The following CCDC146 variants were observed in gnomAD, a reference collection of about 807,000 sequenced individuals.
CCDC146 encodes coiled-coil domain containing 146.
Under a neutral mutation model 119.3 loss-of-function variants are expected in CCDC146, and 92 were observed. That is an observed-to-expected ratio of 0.77 (90% CI 0.65 to 0.92). The LOEUF is 0.92. Ranked by LOEUF, CCDC146 falls within the 40% of genes least tolerant of loss-of-function variation. The pLI is 0.00. For synonymous variants in CCDC146, 372 were observed against 371.8 expected (o/e 1.00, Z -0.01); for missense variants, 1,000 against 1,103.0 (o/e 0.91, Z 1.32).
At chr7:77,174,602 C>A (rs534279620) in intron 2 of CCDC146, among the ~76,000 whole-genome samples, 1 of 152,124 alleles carries the variant, frequency 6.6e-6, no homozygotes, top group Non-Finnish European at 1.5e-5. Context: ...ACCATGGCAA[C>A]AGTAAACTAA....
intron 2 of CCDC146, among the ~76,000 whole-genome samples, chr7:77,231,045 T>C (rs1792617758): frequency 6.6e-6 from 1 of 152,234 alleles, no homozygotes; most frequent in Admixed American, 6.5e-5. Context: ...AATTGCATGC[T>C]ATTCTGAGTA....
intron 11 of CCDC146, among the ~76,000 whole-genome samples, chr7:77,275,788 C>A (rs190209392): frequency 1.3e-5 from 2 of 152,288 alleles, no homozygotes; most frequent in Admixed American, 6.5e-5. Flanking sequence ...GGTAAGGCAG[C>A]ACTCCTGTCA....
chr7:77,209,387 GAC>G lies in CCDC146; in HGVS notation c.157-27556_157-27555del, dbSNP rs548357725. Among the ~76,000 whole-genome samples, 38 of 152,358 alleles carry G rather than the reference GAC, an allele frequency of 2.5e-4. 2 individuals carry two copies. In the South Asian group the frequency reaches 7.9e-3, roughly 32 times the overall value. On this transcript the variant is annotated intron_variant, in intron 2 of 18. Coordinates refer to ENST00000285871, the MANE Select transcript of CCDC146 (RefSeq NM_020879.3). ...TCATGTCTCACATCCAAGCTACGCTGACACAGGGGTGGGCTCTCAAGGCCTTG... is the reference window on the plus strand; with the variant it reads ...TCATGTCTCACATCCAAGCTACGCTGACAGGGGTGGGCTCTCAAGGCCTTG...
intron 2 of CCDC146, among the ~76,000 whole-genome samples, chr7:77,186,772 G>T (rs1213564641): frequency 6.6e-6 from 1 of 152,144 alleles, no homozygotes; most frequent in Non-Finnish European, 1.5e-5. Flanking sequence ...GACTCACAGA[G>T]ACTCCAGGGG....
chr7:77,196,343 C>T lies in CCDC146; in HGVS notation c.156+28519C>T, dbSNP rs1791869095. On this transcript the variant is annotated intron_variant, in intron 2 of 18. Coordinates refer to ENST00000285871, the MANE Select transcript of CCDC146 (RefSeq NM_020879.3). The surrounding 1 kb of genome is among the most constrained non-coding windows in gnomAD (Gnocchi z 4.2). ...CTCTTTGAAGGAGGACTTGTAGCCA[C>T]CAGGGTGTGCCTCACTTACACCAGG... The T allele has an allele frequency of 5.0e-6, 8 of 1,614,088 alleles. No homozygotes were observed. The highest frequency in any genetic ancestry group is 6.8e-6 in the Non-Finnish European group (8 of 1,179,990).
chr7:77,161,694 G>A (rs1195846385), intron 1 of CCDC146, among the ~76,000 whole-genome samples: 7 of 150,416 alleles, frequency 4.7e-5, no homozygotes, highest in Non-Finnish European at 8.9e-5. Context: ...GCTAAATGAC[G>A]AGTTAATGGG....
chr7:77,286,867 G>T lies in CCDC146; in HGVS notation c.2218G>T (p.Ala740Ser). The T allele has an allele frequency of 6.2e-7, 1 of 1,614,040 alleles. No homozygotes were observed. The highest frequency in any genetic ancestry group is 8.5e-7 in the Non-Finnish European group (1 of 1,179,912). Residue 740 changes from alanine (A) to serine (S), a missense_variant, in exon 16 of 19, where the codon GCT becomes TCT. Physicochemically the swap from Ala to Ser is moderately conservative, Grantham distance 99. Around this residue, in one of 2 missense-constraint regions of CCDC146, gnomAD observed 985 missense variants for 1,045.3 expected, o/e 0.94. Coordinates refer to ENST00000285871, the MANE Select transcript of CCDC146 (RefSeq NM_020879.3). ...CGTAAAGCCTGATGGTGAGAATAGA[G>T]CTCGCTTCCTTCCAGGGAAAGATCT... Reference protein sequence around the residue: ...QFVKPDGENRARFLPGKDLTE... With the variant: ...QFVKPDGENRSRFLPGKDLTE...
At chr7:77,169,822 G>C (rs1253625887) in intron 2 of CCDC146, among the ~76,000 whole-genome samples, 9 of 152,094 alleles carry the variant, frequency 5.9e-5, no homozygotes, top group African/African-American at 2.2e-4. Context: ...TTTCTTGGAG[G>C]ATCCCTAGTT....
At chr7:77,155,665 G>T (rs1037909904) in intron 1 of CCDC146, among the ~76,000 whole-genome samples, 15 of 152,130 alleles carry the variant, frequency 9.9e-5, no homozygotes. Context: ...TATGGTATGT[G>T]GTTGTTAGGA....
At chr7:77,220,710 A>T (rs1792388307) in intron 2 of CCDC146, among the ~76,000 whole-genome samples, 1 of 152,126 alleles carries the variant, frequency 6.6e-6, no homozygotes, top group Admixed American at 6.5e-5. Flanking sequence ...TCAAATACTC[A>T]GGTGTTGAAT....
At chr7:77,133,075 G>A (rs1302010773) in intron 1 of CCDC146, among the ~76,000 whole-genome samples, 1 of 151,922 alleles carries the variant, frequency 6.6e-6, no homozygotes, top group African/African-American at 2.4e-5. Context: ...GGAGGCTGAG[G>A]CAGGAGAATT....
chr7:77,241,891 G>A lies in CCDC146; in HGVS notation c.440G>A (p.Arg147Lys), dbSNP rs915724536. ...VKEREFHNQY[R>K]LNSLKEEKII... is the part of the protein sequence containing the mutation. ...GAAAGAGAGTTCCATAATCAGTACA[G>A]ATTAAATAGGTAAGTGCACAGTTCT... The change falls in exon 4 of 19, where the codon AGA (arginine) becomes AAA (lysine). Residue 147 changes from arginine to lysine, a missense_variant. Physicochemically the swap from Arg to Lys is conservative, Grantham distance 26 (BLOSUM62 2). Coordinates refer to ENST00000285871, the MANE Select transcript of CCDC146 (RefSeq NM_020879.3). 4 of 1,609,218 alleles carry A rather than the reference G, an allele frequency of 2.5e-6. No individual in the cohort carries two copies. Among genetic ancestry groups the A allele is most frequent in the Admixed American group, 1.7e-5 (1 of 60,030 alleles).
chr7:77,230,571 AT>A (rs1792608008), intron 2 of CCDC146, among the ~76,000 whole-genome samples: 1 of 151,220 alleles, frequency 6.6e-6, no homozygotes, highest in African/African-American at 2.4e-5. Context: ...CCCTTCCATT[AT>A]TTTAGATGAG....
At chr7:77,223,196 G>A (rs1792438834) in intron 2 of CCDC146, among the ~76,000 whole-genome samples, 1 of 152,226 alleles carries the variant, frequency 6.6e-6, no homozygotes, top group African/African-American at 2.4e-5. Flanking sequence ...TGGGTTAAAT[G>A]ATTGTTAAAG....
intron 1 of CCDC146, among the ~76,000 whole-genome samples, chr7:77,153,478 G>A (rs1584028444): frequency 7.0e-6 from 1 of 142,932 alleles, no homozygotes; most frequent in East Asian, 2.0e-4. Flanking sequence ...TTAAAAATTA[G>A]CAAAGCATCT....
chr7:77,292,966 A>G lies in CCDC146; in HGVS notation c.2430A>G (p.Gln810=). The change falls in exon 18 of 19, where the codon CAA becomes CAG. Residue 810 remains glutamine, a synonymous_variant. Coordinates refer to ENST00000285871, the MANE Select transcript of CCDC146 (RefSeq NM_020879.3). ...TTTAATTCTAGATGAATGGCTATCA[A>G]AGAAGGATCAAAAATGCAACTGAGA... ...LLLAKKMNGY[Q]RRIKNATEKM... The G allele has an allele frequency of 6.2e-7, 1 of 1,613,884 alleles. No homozygotes were observed. Among genetic ancestry groups the G allele is most frequent in the Non-Finnish European group, 8.5e-7 (1 of 1,179,996 alleles).
intron 1 of CCDC146, among the ~76,000 whole-genome samples, chr7:77,138,327 T>C (rs1584017277): frequency 7.2e-6 from 1 of 138,874 alleles, no homozygotes; most frequent in African/African-American, 2.6e-5. Context: ...GAACTGGACA[T>C]GTACATGCAA....
chr7:77,143,861 C>G (rs1387476899), intron 1 of CCDC146, among the ~76,000 whole-genome samples: 1 of 151,746 alleles, frequency 6.6e-6, no homozygotes, highest in African/African-American at 2.4e-5. Context: ...ATGCCTCCAT[C>G]TTTGTTCTTT....
chr7:77,139,311 A>G (rs1790901710), intron 1 of CCDC146, among the ~76,000 whole-genome samples: 1 of 152,232 alleles, frequency 6.6e-6, no homozygotes, highest in Non-Finnish European at 1.5e-5. Flanking sequence ...GAAAAGGCAA[A>G]ACTGTGGAGA....
Sources: allele counts gnomAD v4.1 joint callset (sites outside exome capture counted in the v4.1 genomes callset), GRCh38; gene constraint gnomAD v4.1.1; regional missense constraint gnomAD v4.1.1; non-coding constraint Gnocchi (gnomAD v3.1); transcripts MANE v1.5; gene names NCBI Gene and HGNC (gene_info 2026-07-23, HGNC 2026-07-21).